Variants in NOTCH2 observed in about 807,000 individuals in gnomAD.
The protein encoded by NOTCH2 is notch receptor 2.
NOTCH2 carries 29 observed loss-of-function variants against 235.8 expected under a neutral mutation model. The ratio of observed to expected loss-of-function variants is 0.12; its 90% CI spans 0.09 to 0.17. NOTCH2 has a LOEUF of 0.17. NOTCH2 is among the 10% of genes least tolerant of loss of function. The pLI is 1.00. For missense variants in NOTCH2, 2,285 were observed against 3,150.2 expected, an observed-to-expected ratio of 0.73 and a Z score of 6.57; for synonymous variants, 1,086 against 1,141.5, an observed-to-expected ratio of 0.95 and a Z score of 0.98.
intron 32 of NOTCH2, 37 bp downstream of exon 32, chr1:119,918,369 G>C: frequency 6.2e-7 from 1 of 1,611,664 alleles, no homozygotes; most frequent in Non-Finnish European, 8.5e-7. Flanking sequence ...GGCATGCTTT[G>C]CAGGTAAGAA....
intron 26 of NOTCH2, 123 bp from the exon 27 acceptor site, chr1:119,922,901 C>T (rs1649337352): frequency 8.4e-7 from 1 of 1,191,326 alleles, no homozygotes; most frequent in Non-Finnish European, 1.2e-6. Context: ...AGCATCAGGT[C>T]CCCACCTCTG....
chr1:119,958,490 C>T (rs111942867), intron 12 of NOTCH2, among the ~76,000 whole-genome samples: 6 of 152,338 alleles, frequency 3.9e-5, no homozygotes, highest in African/African-American at 1.2e-4. Flanking sequence ...CATTCGAGTA[C>T]AAACAACCAC....
At chr1:119,924,678 A>G (rs1378178258) in intron 25 of NOTCH2, among the ~76,000 whole-genome samples, 3 of 152,204 alleles carry the variant, frequency 2.0e-5, no homozygotes, top group Admixed American at 1.3e-4. Context: ...CTCAATCAGA[A>G]GATTAGGAGT....
chr1:119,957,317 G>T (rs1468227522), intron 12 of NOTCH2, among the ~76,000 whole-genome samples: 1 of 152,182 alleles, frequency 6.6e-6, no homozygotes, highest in Non-Finnish European at 1.5e-5. Context: ...ATTGTTATGA[G>T]AATTCAGGAA....
rs782779624 is a variant in NOTCH2, at chr1:119,996,785, C to T, written c.751+212G>A. ...AATAAACAATTTTCTAGCCACTCAT[C>T]ATCATAAACCCTGACATGCTAAATT... On this transcript the variant is annotated intron_variant, in intron 4 of 33. Coordinates refer to ENST00000256646, the MANE Select transcript of NOTCH2 (RefSeq NM_024408.4). 1.9e-5 allele frequency: 16 copies of T among 827,790 alleles called. No individual in the cohort carries two copies. In the South Asian group the frequency reaches 2.0e-4, roughly 11 times the overall value. The allele number at this position is 827,790 out of a possible 1,614,324, so 51.3% of individuals were successfully genotyped here. A position where few individuals can be genotyped will look rare whatever the true frequency, so the allele number is the denominator to read the frequency against.
At chr1:119,977,415 C>T (rs1175551017) in intron 5 of NOTCH2, among the ~76,000 whole-genome samples, 11 of 152,170 alleles carry the variant, frequency 7.2e-5, no homozygotes, top group African/African-American at 2.7e-4. Context: ...TCAACTACGC[C>T]TCAAGGGCAA....
chr1:119,965,605 T>C, intron 9 of NOTCH2, 39 bp from the exon 10 acceptor site: 1 of 1,324,082 alleles, frequency 7.6e-7, no homozygotes, highest in East Asian at 2.3e-5. Context: ...CAAAGGATTA[T>C]CTTGTGTCTC....
In NOTCH2 at chr1:119,922,709, C is replaced by G. The variant is rs587697719; in HGVS notation, c.4929G>C (p.Thr1643=). 1 of 1,614,062 alleles carries G rather than the reference C, an allele frequency of 6.2e-7. No homozygotes were observed. The highest frequency in any genetic ancestry group is 1.3e-5 in the African/African-American group (1 of 74,932). The change falls in exon 27 of 34, where the codon ACG becomes ACC. Residue 1643 remains threonine, a synonymous_variant. Coordinates refer to ENST00000256646, the MANE Select transcript of NOTCH2 (RefSeq NM_024408.4). ...AGGCCAGGAGAGCTGCTGCTGCATCCGTGTTCTTGAAGCAGTGGTCTGAGT... is the reference window on the plus strand; with the variant it reads ...AGGCCAGGAGAGCTGCTGCTGCATCGGTGTTCTTGAAGCAGTGGTCTGAGT... The part of the protein sequence containing the change: ...VQDSDHCFKN[T]DAAAALLASH...
Position 119,913,456 on chromosome 1 carries a change from G to A in NOTCH2, c.*1850C>T, listed in dbSNP as rs1648957393. 2 of 233,148 alleles carry A rather than the reference G, an allele frequency of 8.6e-6. No individual in the cohort carries two copies. Among genetic ancestry groups the A allele is most frequent in the South Asian group, 3.6e-4 (2 of 5,526 alleles). 14.4% of individuals were successfully genotyped at this position (233,148 alleles called of 1,614,324 possible). On this transcript the variant is annotated 3_prime_UTR_variant, in exon 34 of 34. Coordinates refer to ENST00000256646, the MANE Select transcript of NOTCH2 (RefSeq NM_024408.4). Reference sequence around the variant, plus strand: ...AACCAAAAGAGTCGGGAATTCACCTGTTAATATCTACAAAATGCCCAGGCA... The same window carrying A: ...AACCAAAAGAGTCGGGAATTCACCTATTAATATCTACAAAATGCCCAGGCA...
rs587759257 is a variant in NOTCH2 at position 119,952,057 on chromosome 1, C to A, written c.2366-1220G>T. On this transcript the variant is annotated intron_variant, in intron 14 of 33. Coordinates refer to ENST00000256646, the MANE Select transcript of NOTCH2 (RefSeq NM_024408.4). ...ATGCTGATGTATCACAATAGCATAG[C>A]ACAATATTTGAGTGAGGAAATCAAT... 5.3e-5 allele frequency among the ~76,000 whole-genome samples: 8 copies of A among 152,236 alleles called. No individual in the cohort carries two copies. The South Asian group carries it at 6.2e-4, about 12-fold the overall frequency.
intron 14 of NOTCH2, 132 bp from the exon 15 acceptor site, chr1:119,950,969 C>A (rs1650447967): frequency 1.4e-6 from 1 of 714,426 alleles, no homozygotes; most frequent in Admixed American, 2.0e-5. Flanking sequence ...CACTGAAATA[C>A]CTGTTCATTC....
Position 119,940,737 on chromosome 1 carries a change from T to C in NOTCH2, c.3001A>G (p.Thr1001Ala), listed in dbSNP as rs370769426. The change falls in exon 19 of 34, where the codon ACA (threonine) becomes GCA (alanine). Residue 1001 changes from threonine (T) to alanine (A), a missense_variant. Thr to Ala is a moderately conservative substitution (Grantham distance 58). Coordinates refer to ENST00000256646, the MANE Select transcript of NOTCH2 (RefSeq NM_024408.4). ...CTESSCFNGG[T>A]CVDGINSFSC... ...AAGGAGTTAATCCCATCAACACATG[T>C]GCCACCATTGAAACAGGAGCTAAGA... 26 of 1,614,058 alleles carry C rather than the reference T, an allele frequency of 1.6e-5. No individual in the cohort carries two copies. Among genetic ancestry groups the C allele is most frequent in the Admixed American group, 1.7e-5 (1 of 60,006 alleles).
chr1:119,987,769 ATTGGGTGGC>A (rs1652076549), intron 4 of NOTCH2, among the ~76,000 whole-genome samples: 1 of 152,192 alleles, frequency 6.6e-6, no homozygotes, highest in Non-Finnish European at 1.5e-5. Context: ...GTATCTGAAA[ATTGGGTGGC>A]ATTATTACTA....
chr1:120,005,826 G>C (rs1232257630), intron 2 of NOTCH2, among the ~76,000 whole-genome samples: 2 of 93,624 alleles, frequency 2.1e-5, no homozygotes, highest in African/African-American at 8.0e-5. Flanking sequence ...TGGTCTAGCA[G>C]GGTCTGCCAT....
At chr1:119,966,606 G>A in intron 8 of NOTCH2, 117 bp from the exon 9 acceptor site, 1 of 757,218 alleles carries the variant, frequency 1.3e-6, no homozygotes, top group South Asian at 1.4e-5. Flanking sequence ...TTTCTGCAGA[G>A]AAAAAAGGAA....
chr1:119,986,386 T>C (rs587757678), intron 5 of NOTCH2, among the ~76,000 whole-genome samples: 3 of 152,292 alleles, frequency 2.0e-5, no homozygotes, highest in East Asian at 3.9e-4. Flanking sequence ...ACCCTTCTAA[T>C]GTTAGAGGCA....
At chr1:119,929,827 C>T (rs1198025401) in intron 22 of NOTCH2, among the ~76,000 whole-genome samples, 1 of 152,180 alleles carries the variant, frequency 6.6e-6, no homozygotes, top group East Asian at 1.9e-4. Context: ...ATTCACTTAC[C>T]ATTCACTGAC....
At chr1:120,027,192 AT>A (rs1179278642) in intron 2 of NOTCH2, among the ~76,000 whole-genome samples, 2 of 149,936 alleles carry the variant, frequency 1.3e-5, no homozygotes, top group African/African-American at 4.9e-5. Context: ...GTTGGAGAGT[AT>A]GAGACTAGCA....
chr1:120,005,098 T>C (rs1652913837), intron 3 of NOTCH2: 1 of 713,810 alleles, frequency 1.4e-6, no homozygotes, highest in Non-Finnish European at 2.3e-6. Flanking sequence ...CTGACATATA[T>C]ACTTTAAGCA....
Sources: allele counts gnomAD v4.1 joint callset (sites outside exome capture counted in the v4.1 genomes callset), GRCh38; gene constraint gnomAD v4.1.1; transcripts MANE v1.5; gene names NCBI Gene and HGNC (gene_info 2026-07-23, HGNC 2026-07-21).